The following AEBP1 variants were observed in gnomAD, a reference collection of about 807,000 sequenced individuals.
The protein encoded by AEBP1 is adipocyte enhancer-binding protein 1.
Under a neutral mutation model 116.5 loss-of-function variants are expected in AEBP1, and 69 were observed. That is an observed-to-expected ratio of 0.59 (90% CI 0.49 to 0.72). The LOEUF (loss-of-function observed/expected upper bound fraction) is 0.72. Among genes scored for constraint, AEBP1 ranks in the 30% least tolerant of loss-of-function variants. The pLI is 0.00. For synonymous variants in AEBP1, 627 were observed against 627.3 expected (o/e 1.00, Z 0.01); for missense variants, 1,444 against 1,557.5 (o/e 0.93, Z 1.23).
At position 44,112,898 on chromosome 7, in the gene AEBP1, C is replaced by T; in HGVS notation, c.2558C>T (p.Pro853Leu). The T allele has an allele frequency of 6.2e-7, 1 of 1,611,416 alleles. No homozygotes were observed. Among genetic ancestry groups the T allele is most frequent in the Non-Finnish European group, 8.5e-7 (1 of 1,178,542 alleles). ...ATCGTCAACGGGGCCAAGTGGAACC[C>T]CCGGACCGGGAGTGAGTCAGCCTGG... ...MGIVNGAKWN[P>L]RTGTINDFSY... is the part of the protein sequence containing the mutation. Residue 853 changes from proline (P) to leucine (L), a missense_variant, in exon 18 of 21, where the codon CCC (proline) becomes CTC (leucine). By Grantham distance (98) the Pro-to-Leu change is moderately conservative. Coordinates refer to ENST00000223357, the MANE Select transcript of AEBP1 (RefSeq NM_001129.5). This position sits in a 1 kb window ranked among gnomAD's most constrained non-coding sequence, Gnocchi z 6.6.
chr7:44,106,227 TGGA>T, intron 1 of AEBP1: 1 of 532,140 alleles, frequency 1.9e-6, no homozygotes, highest in South Asian at 1.5e-5. Context: ...AACAGAATAG[TGGA>T]GGAGTGGATA....
At position 44,106,608 on chromosome 7, in the gene AEBP1, C is replaced by A. The variant is rs1387187805; in HGVS notation, c.316C>A (p.Pro106Thr). Residue 106 changes from proline to threonine, a missense_variant, in exon 2 of 21, where the codon CCC (proline) becomes ACC (threonine). Transcript: ENST00000223357. ...KGKKDKGPKVPKESLEGSPRP... is the reference protein window; with the variant it reads ...KGKKDKGPKVTKESLEGSPRP... ...CAAGAAAGACAAAGGCCCCAAGGTGCCCAAGGAGTCCTTGGAGGGGTCCCC... is the reference window on the plus strand; with the variant it reads ...CAAGAAAGACAAAGGCCCCAAGGTGACCAAGGAGTCCTTGGAGGGGTCCCC... 6.2e-7 allele frequency: 1 copy of A among 1,612,218 alleles called. No individual in the cohort carries two copies. The highest frequency in any genetic ancestry group is 1.7e-5 in the Admixed American group (1 of 59,696).
chr7:44,108,131 G>T lies in AEBP1; in HGVS notation c.940+47G>T, dbSNP rs968570459. 6 of 1,542,984 alleles carry T rather than the reference G, an allele frequency of 3.9e-6. No individual in the cohort carries two copies. In the African/African-American group the frequency reaches 5.5e-5, roughly 14 times the overall value. On this transcript the variant is annotated intron_variant, in intron 6 of 20. Transcript: ENST00000223357. The surrounding 1 kb of genome is among the most constrained non-coding windows in gnomAD (Gnocchi z 5.0). ...GTCTGAGGGACATAGGCAGGTGGGG[G>T]TCGGGGCTGGGGTGTGGTCAGGAGC...
Position 44,111,086 on chromosome 7 carries a change from G to A in AEBP1, c.1630+29G>A. 6.3e-7 allele frequency: 1 copy of A among 1,599,338 alleles called. No individual in the cohort carries two copies. Among genetic ancestry groups the A allele is most frequent in the Middle Eastern group, 1.7e-4 (1 of 5,990 alleles). On this transcript the variant is annotated intron_variant, in intron 13 of 20. Coordinates refer to ENST00000223357, the MANE Select transcript of AEBP1 (RefSeq NM_001129.5). This position sits in a 1 kb window ranked among gnomAD's most constrained non-coding sequence, Gnocchi z 4.7. ...AGTGTGGAGGGCTGGCAGGGGCTCT[G>A]AGTGGAGGTGGGGTGCTAGGGTGGG...
chr7:44,110,036 A>T lies in AEBP1; in HGVS notation c.1172A>T (p.Glu391Val), dbSNP rs756465684. Residue 391 changes from glutamate (E) to valine (V), a missense_variant, in exon 10 of 21, where the codon GAG (glutamate) becomes GTG (valine). Glu to Val is a moderately radical substitution (Grantham distance 121, BLOSUM62 -2). Coordinates refer to ENST00000223357, the MANE Select transcript of AEBP1 (RefSeq NM_001129.5). ...EKVKCPPIGMESHRIEDNQIR... is the reference protein window; with the variant it reads ...EKVKCPPIGMVSHRIEDNQIR... ...TCAGAGTGTCCCCCCATTGGGATGG[A>T]GTCACACCGTATTGAGGACAACCAG... 6.2e-7 allele frequency: 1 copy of T among 1,612,880 alleles called. No individual in the cohort carries two copies. Among genetic ancestry groups the T allele is most frequent in the Admixed American group, 1.7e-5 (1 of 60,004 alleles).
Position 44,112,718 on chromosome 7 carries a change from G to A in AEBP1, c.2378G>A (p.Arg793Gln), listed in dbSNP as rs374013273. 5.6e-6 allele frequency: 9 copies of A among 1,613,020 alleles called. No individual in the cohort carries two copies. In the South Asian group the frequency reaches 8.8e-5, roughly 16 times the overall value. Residue 793 changes from arginine to glutamine, a missense_variant, in exon 18 of 21, where the codon CGG (arginine) becomes CAG (glutamine). Coordinates refer to ENST00000223357, the MANE Select transcript of AEBP1 (RefSeq NM_001129.5). This position sits in a 1 kb window ranked among gnomAD's most constrained non-coding sequence, Gnocchi z 6.6. ...CTGGCCGCAGCCATGGCAGCAGCCCGGGGGGAGGATGAGGACGAGGTCTCC... is the reference window on the plus strand; with the variant it reads ...CTGGCCGCAGCCATGGCAGCAGCCCAGGGGGAGGATGAGGACGAGGTCTCC... ...QLLAAAMAAA[R>Q]GEDEDEVSEA... is the part of the protein sequence containing the mutation.
rs1305631651 is a variant in AEBP1, at chr7:44,104,481, G to T, written c.-185G>T. ...TCGGAGCCCCCCAGCACCCCTTCCC[G>T]GGTCCCCTCGCCCACCCTAATCCAC... On this transcript the variant is annotated 5_prime_UTR_variant, in exon 1 of 21. Transcript: ENST00000223357. 9 of 424,456 alleles carry T rather than the reference G, an allele frequency of 2.1e-5. No individual in the cohort carries two copies. The East Asian group carries it at 3.4e-4, about 16-fold the overall frequency. 26.3% of individuals were successfully genotyped at this position (424,456 alleles called of 1,614,324 possible).
chr7:44,107,917 C>A lies in AEBP1; in HGVS notation c.848C>A (p.Pro283Gln). The A allele has an allele frequency of 1.3e-6, 2 of 1,589,778 alleles. No homozygotes were observed. Among genetic ancestry groups the A allele is most frequent in the Admixed American group, 1.8e-5 (1 of 57,118 alleles). The change falls in exon 5 of 21, where the codon CCG (proline) becomes CAG (glutamine). Residue 283 changes from proline (P) to glutamine (Q), a missense_variant. Coordinates refer to ENST00000223357, the MANE Select transcript of AEBP1 (RefSeq NM_001129.5). The surrounding 1 kb of genome is among the most constrained non-coding windows in gnomAD (Gnocchi z 4.3). ...GAGGAGAAGGCCCCGGCCCCAGCCC[C>A]GGAGGAGAGGATTGGTAGGATGGGG... ...PPEEKAPAPAPEERIEPPVKP... is the reference protein window; with the variant it reads ...PPEEKAPAPAQEERIEPPVKP...
intron 9 of AEBP1, 36 bp from the exon 10 acceptor site, chr7:44,109,979 G>A (rs1467578994): frequency 6.3e-7 from 1 of 1,578,436 alleles, no homozygotes; most frequent in Non-Finnish European, 8.7e-7. Context: ...GAAGGATGGA[G>A]CTAGTGAGCC....
Position 44,107,719 on chromosome 7 carries a change from G to A in AEBP1, c.739+19G>A, listed in dbSNP as rs759594768. 1 of 1,613,370 alleles carries A rather than the reference G, an allele frequency of 6.2e-7. No individual in the cohort carries two copies. Among genetic ancestry groups the A allele is most frequent in the South Asian group, 1.1e-5 (1 of 91,078 alleles). The stretch of plus-strand genomic sequence containing the variant: ...GAGGACTGTGAGTAGGGTCCTGCCA[G>A]CCCCACCTGGGTCGGACCCCTGGCC... On this transcript the variant is annotated intron_variant, in intron 4 of 20. Coordinates refer to ENST00000223357, the MANE Select transcript of AEBP1 (RefSeq NM_001129.5). The surrounding 1 kb of genome is among the most constrained non-coding windows in gnomAD (Gnocchi z 4.3).
In AEBP1 at chr7:44,104,573, C is replaced by T. The variant is rs2096220880; in HGVS notation, c.-93C>T. On this transcript the variant is annotated 5_prime_UTR_variant, in exon 1 of 21. Transcript: ENST00000223357. ...TCTCCCGCCCCTTCCTGGATTCCCTCACCCGTCTCGATCCCCTCTCCGCCC... is the reference window on the plus strand; with the variant it reads ...TCTCCCGCCCCTTCCTGGATTCCCTTACCCGTCTCGATCCCCTCTCCGCCC... 1 of 820,006 alleles carries T rather than the reference C, an allele frequency of 1.2e-6. No homozygotes were observed. The highest frequency in any genetic ancestry group is 1.8e-6 in the Non-Finnish European group (1 of 568,456). The allele number at this position is 820,006 out of a possible 1,614,324, so 50.8% of individuals were successfully genotyped here. A position where few individuals can be genotyped will look rare whatever the true frequency, so the allele number is the denominator to read the frequency against.
intron 9 of AEBP1, 69 bp from the exon 10 acceptor site, chr7:44,109,946 C>A (rs573857532): frequency 2.1e-6 from 3 of 1,445,590 alleles, no homozygotes; most frequent in South Asian, 2.5e-5. Context: ...CTCTGGGCTC[C>A]TTGGTTCTGG....
At position 44,109,147 on chromosome 7, in the gene AEBP1, C is replaced by A. The variant is rs773837826; in HGVS notation, c.1059C>A (p.Thr353=). ...KKEDSSPKEE[T]DKWAVEKGKD... ...AGGACAGCAGCCCCAAGGAGGAGAC[C>A]GACAAGTGGGCAGTGGAGAAGGGCA... is the stretch of plus-strand genomic sequence containing the variant. Residue 353 remains threonine (T), a synonymous_variant, in exon 8 of 21, where the codon ACC becomes ACA. Transcript: ENST00000223357. The A allele has an allele frequency of 1.2e-6, 2 of 1,613,676 alleles. No individual in the cohort carries two copies. Among genetic ancestry groups the A allele is most frequent in the Non-Finnish European group, 1.7e-6 (2 of 1,180,000 alleles).
intron 9 of AEBP1, chr7:44,109,811 T>G (rs1216044116): frequency 3.3e-6 from 2 of 599,796 alleles, no homozygotes; most frequent in East Asian, 5.6e-5. Context: ...AAGCACAGGC[T>G]GGGATTGGAA....
intron 1 of AEBP1, 127 bp downstream of exon 1, chr7:44,105,045 C>T (rs1321385571): frequency 2.3e-6 from 2 of 869,602 alleles, no homozygotes; most frequent in East Asian, 5.4e-5. Flanking sequence ...AATGCGCACG[C>T]GAGCCCAGAT....
intron 9 of AEBP1, 29 bp downstream of exon 9, chr7:44,109,370 T>C: frequency 2.2e-6 from 1 of 450,208 alleles, no homozygotes; most frequent in Non-Finnish European, 3.4e-6. Flanking sequence ...GGGGTGAGGG[T>C]GGGGGCCACA....
In AEBP1 at chr7:44,106,675, C is replaced by T. The variant is rs758068488; in HGVS notation, c.383C>T (p.Thr128Ile). ...KKGKEKPPKA[T>I]KKPKEKPPKA... ...GGGAAGGAGAAGCCACCCAAGGCCA[C>T]CAAGAAGCCCAAGGAGAAGCCACCT... The change falls in exon 2 of 21, where the codon ACC (threonine) becomes ATC (isoleucine). Residue 128 changes from threonine (T) to isoleucine (I), a missense_variant. Coordinates refer to ENST00000223357, the MANE Select transcript of AEBP1 (RefSeq NM_001129.5). 3.1e-6 allele frequency: 5 copies of T among 1,612,636 alleles called. No homozygotes were observed. In the Admixed American group the frequency reaches 8.4e-5, roughly 27 times the overall value.
chr7:44,105,186 C>G (rs535462311), intron 1 of AEBP1, among the ~76,000 whole-genome samples: 211 of 152,312 alleles, frequency 1.4e-3, no homozygotes, highest in African/African-American at 4.7e-3. Flanking sequence ...GTCGCTTATC[C>G]CCATTCCTCC....
chr7:44,108,912 TG>T lies in AEBP1; in HGVS notation c.957del (p.Pro320LeufsTer20). The T allele has an allele frequency of 6.3e-7, 1 of 1,586,192 alleles. No homozygotes were observed. On this transcript the variant is annotated frameshift_variant, in exon 7 of 21. Coordinates refer to ENST00000223357, the MANE Select transcript of AEBP1 (RefSeq NM_001129.5). LOFTEE classifies it high-confidence loss of function. This position sits in a 1 kb window ranked among gnomAD's most constrained non-coding sequence, Gnocchi z 5.0. The part of the protein sequence containing the change: ...PNYDDMDYYF[G>X]PPPPQKPDAE... ...CCCTCCCCATAGTGGACTATTACTT[TG>T]GGCCTCCTCCGCCCCAGAAGCCCGA... is the stretch of plus-strand genomic sequence containing the variant.
Sources: allele counts gnomAD v4.1 joint callset (sites outside exome capture counted in the v4.1 genomes callset), GRCh38; gene constraint gnomAD v4.1.1; non-coding constraint Gnocchi (gnomAD v3.1); transcripts MANE v1.5; gene names NCBI Gene and HGNC (gene_info 2026-07-23, HGNC 2026-07-21).